The following GLRA2 variants were observed in gnomAD, a reference collection of about 807,000 sequenced individuals.
The protein encoded by GLRA2 is glycine receptor subunit alpha-2.
Under a neutral mutation model 31.6 loss-of-function variants are expected in GLRA2, and 11 were observed. That is an observed-to-expected ratio of 0.35 (90% CI 0.22 to 0.58). The LOEUF (loss-of-function observed/expected upper bound fraction) is 0.58. Ranked by LOEUF, GLRA2 falls within the 20% of genes least tolerant of loss-of-function variation. The probability of loss-of-function intolerance (pLI) is 0.84; values close to 1 mark genes in which losing one functional copy is unlikely to be tolerated. For synonymous variants in GLRA2, 132 were observed against 134.0 expected, an observed-to-expected ratio of 0.99 and a Z score of 0.10; for missense variants, 212 against 351.8, an observed-to-expected ratio of 0.60 and a Z score of 3.18.
chrX:14,728,986 G>A (rs755344923), intron 8 of GLRA2, among the ~76,000 whole-genome samples: 97 of 112,118 alleles, frequency 8.7e-4, no homozygotes, highest in Non-Finnish European at 1.6e-3. Flanking sequence ...CCTCTCCAGG[G>A]ATCTGCTGTT....
intron 7 of GLRA2, among the ~76,000 whole-genome samples, chrX:14,671,431 A>G (rs2091092043): frequency 8.9e-6 from 1 of 112,289 alleles, no homozygotes; most frequent in Non-Finnish European, 1.9e-5. Context: ...AAAAGAGAAA[A>G]GGCAAACAAG....
intron 2 of GLRA2, among the ~76,000 whole-genome samples, chrX:14,543,744 C>T (rs1031256627): frequency 1.8e-5 from 2 of 111,682 alleles, no homozygotes; most frequent in South Asian, 3.7e-4. Context: ...AAAACATCCT[C>T]TGAGAGAGAC....
the GLRA2 span, among the ~76,000 whole-genome samples, chrX:14,464,891 T>C: frequency 8.9e-6 from 1 of 112,360 alleles, no homozygotes; most frequent in African/African-American, 3.2e-5. Context: ...ATGTTGTTTT[T>C]GGTTGCTATA....
intron 4 of GLRA2, among the ~76,000 whole-genome samples, chrX:14,589,198 C>A (rs1462053218): frequency 9.0e-6 from 1 of 110,865 alleles, no homozygotes; most frequent in Admixed American, 9.6e-5. Flanking sequence ...TCCAGTATAA[C>A]GTTGACTGTG....
chrX:14,718,413 T>C (rs771128054), intron 8 of GLRA2, among the ~76,000 whole-genome samples: 4 of 112,386 alleles, frequency 3.6e-5, no homozygotes, highest in Admixed American at 9.4e-5. Context: ...GAAAGTGTAA[T>C]ATTTGGCACA....
chrX:14,664,981 A>C (rs115575933), intron 7 of GLRA2, among the ~76,000 whole-genome samples: 2,870 of 111,562 alleles, frequency 0.026, 81 homozygotes, highest in African/African-American at 0.089. Flanking sequence ...CATCAGCCCA[A>C]CTGCAACAGG....
intron 7 of GLRA2, among the ~76,000 whole-genome samples, chrX:14,689,386 A>T (rs777607349): frequency 1.8e-5 from 2 of 112,715 alleles, no homozygotes; most frequent in South Asian, 7.3e-4. Flanking sequence ...AGCATTAGAA[A>T]TTATGATCTA....
At position 14,690,887 on chromosome X, in the gene GLRA2, G is replaced by A. The variant is rs191172254; in HGVS notation, c.1080+28G>A. On this transcript the variant is annotated intron_variant, in intron 8 of 8. Transcript: ENST00000218075. Reference sequence around the variant, plus strand: ...ATGATTGCCCCTCAGTTCAGACAATGTAGAGCTTGAGTTGGTTAGCTAGGC... The same window carrying A: ...ATGATTGCCCCTCAGTTCAGACAATATAGAGCTTGAGTTGGTTAGCTAGGC... 1.5e-3 allele frequency: 1,751 copies of A among 1,195,184 alleles called. 2 individuals carry two copies. The highest frequency in any genetic ancestry group is 1.8e-3 in the Non-Finnish European group (1,581 of 882,825).
chrX:14,476,218 T>C, the GLRA2 span, among the ~76,000 whole-genome samples: 2 of 112,440 alleles, frequency 1.8e-5, no homozygotes, highest in African/African-American at 3.2e-5. Flanking sequence ...TTCTCAAGTT[T>C]CCAGACTGAT....
chrX:14,579,204 G>A (rs113112557), intron 3 of GLRA2, among the ~76,000 whole-genome samples: 3 of 112,157 alleles, frequency 2.7e-5, no homozygotes, highest in African/African-American at 9.7e-5. Context: ...AAATGAGACT[G>A]TGGGTCCCCT....
the GLRA2 span, among the ~76,000 whole-genome samples, chrX:14,462,347 G>A: frequency 1.8e-5 from 2 of 110,961 alleles, no homozygotes; most frequent in East Asian, 2.9e-4. Flanking sequence ...TTCTCGAGGA[G>A]TATCTTTGTG....
chrX:14,723,157 T>C (rs1397551735), intron 8 of GLRA2, among the ~76,000 whole-genome samples: 2 of 112,071 alleles, frequency 1.8e-5, no homozygotes, highest in African/African-American at 6.5e-5. Context: ...ACCTACCCCA[T>C]GTATCTATTC....
At chrX:14,593,789 C>T (rs190957049) in intron 4 of GLRA2, among the ~76,000 whole-genome samples, 38 of 113,044 alleles carry the variant, frequency 3.4e-4, no homozygotes, top group Non-Finnish European at 4.9e-4. Flanking sequence ...TTAACACATA[C>T]GTATGGACAT....
chrX:14,509,127 T>C, the GLRA2 span, among the ~76,000 whole-genome samples: 1 of 112,428 alleles, frequency 8.9e-6, no homozygotes, highest in Non-Finnish European at 1.9e-5. Context: ...CTTCCATTTC[T>C]CTGTCTTCAT....
At chrX:14,596,491 T>G (rs904283565) in intron 4 of GLRA2, among the ~76,000 whole-genome samples, 2 of 109,828 alleles carry the variant, frequency 1.8e-5, no homozygotes, top group African/African-American at 6.6e-5. Context: ...TTACCCCTAG[T>G]CCAATCACTT....
chrX:14,454,193 CACA>C, the GLRA2 span, among the ~76,000 whole-genome samples: 1 of 49,130 alleles, frequency 2.0e-5, no homozygotes, highest in South Asian at 1.1e-3. Context: ...CACACCCACA[CACA>C]CACACACACA....
intron 7 of GLRA2, 55 bp from the exon 8 acceptor site, chrX:14,690,655 T>TTCTTTC: frequency 1.1e-6 from 1 of 886,482 alleles, no homozygotes; most frequent in Non-Finnish European, 1.6e-6. Flanking sequence ...TTCATAGTCT[T>TTCTTTC]TCTTTCTCTC....
rs1459803547 is a variant in GLRA2 at position 14,634,860 on chromosome X, T to C, written c.930+25655T>C. 1.2e-4 allele frequency among the ~76,000 whole-genome samples: 13 copies of C among 112,254 alleles called. No individual in the cohort carries two copies. In the Admixed American group the frequency reaches 1.2e-3, roughly 11 times the overall value. On this transcript the variant is annotated intron_variant, in intron 7 of 8. Transcript: ENST00000218075. ...TGCGTTAATTCCCTCATAATGTAGA[T>C]TTGACCATATTAGCAGCCACTTGAA...
intron 7 of GLRA2, among the ~76,000 whole-genome samples, chrX:14,628,324 T>C (rs1039056371): frequency 3.6e-5 from 4 of 111,684 alleles, no homozygotes; most frequent in African/African-American, 1.3e-4. Context: ...ATTAGAGATG[T>C]TTGCCTTAGT....
Sources: allele counts gnomAD v4.1 joint callset (sites outside exome capture counted in the v4.1 genomes callset), GRCh38; gene constraint gnomAD v4.1.1; transcripts MANE v1.5; gene names NCBI Gene and HGNC (gene_info 2026-07-23, HGNC 2026-07-21).